UBE3A: variants seen among roughly 807,000 people sequenced by gnomAD.
UBE3A encodes the protein ubiquitin protein ligase E3A.
UBE3A carries 6 observed loss-of-function variants against 83.4 expected under a neutral mutation model. The ratio of observed to expected loss-of-function variants is 0.07; its 90% CI spans 0.04 to 0.14. The LOEUF (loss-of-function observed/expected upper bound fraction) is 0.14, where lower values mean the gene tolerates loss of function less well. UBE3A is among the 10% of genes least tolerant of loss of function. The pLI, the probability that UBE3A is intolerant of heterozygous loss-of-function variation, is 1.00. For missense variants in UBE3A, 456 were observed against 1,036.1 expected (o/e 0.44, Z 7.69); for synonymous variants, 337 against 355.4 (o/e 0.95, Z 0.58).
At chr15:25,377,313 T>C (rs2081379666) in intron 4 of UBE3A, among the ~76,000 whole-genome samples, 1 of 152,134 alleles carries the variant, frequency 6.6e-6, no homozygotes, top group African/African-American at 2.4e-5. Context: ...TGCTTATTTT[T>C]CAAATGTTCC....
At chr15:25,386,628 C>CA (rs1429410910) in intron 4 of UBE3A, among the ~76,000 whole-genome samples, 2 of 150,944 alleles carry the variant, frequency 1.3e-5, no homozygotes, top group African/African-American at 2.4e-5. Flanking sequence ...GAAAATATGC[C>CA]AAAAAACTAC....
intron 3 of UBE3A, chr15:25,408,775 T>A (rs1383876757): frequency 9.5e-7 from 1 of 1,052,582 alleles, no homozygotes; most frequent in Non-Finnish European, 1.3e-6. Flanking sequence ...AAAGGCATAC[T>A]TTAAAATGCA....
At chr15:25,388,385 T>C (rs1235877823) in intron 4 of UBE3A, among the ~76,000 whole-genome samples, 1 of 152,128 alleles carries the variant, frequency 6.6e-6, no homozygotes, top group Admixed American at 6.5e-5. Context: ...GACCATACCA[T>C]AGATGGAGAG....
chr15:25,356,363 C>T (rs576499731), intron 8 of UBE3A, among the ~76,000 whole-genome samples: 1 of 152,048 alleles, frequency 6.6e-6, no homozygotes, highest in African/African-American at 2.4e-5. Context: ...CAGGCACACT[C>T]GTTGTAACTA....
At chr15:25,415,708 A>G (rs1280322735) in intron 1 of UBE3A, 1 of 152,130 alleles carries the variant, frequency 6.6e-6, no homozygotes, top group African/African-American at 2.4e-5. Flanking sequence ...ATTATGTTAT[A>G]CCTTACATTA....
Position 25,356,042 on chromosome 15 carries a change from A to G in UBE3A, c.1974T>C (p.Ser658=). The G allele has an allele frequency of 6.2e-7, 1 of 1,613,788 alleles. No homozygotes were observed. The highest frequency in any genetic ancestry group is 8.5e-7 in the Non-Finnish European group (1 of 1,179,846). The part of the protein sequence containing the change: ...LGDSHPVLYQ[S]LKDLLEYEGN... ...CTTCATACTCCAATAAATCTTTTAA[A>G]CTCTGATATAGAACCTAGCAACCAG... Residue 658 remains serine (S), a synonymous_variant, in exon 9 of 13, where the codon AGT becomes AGC. Transcript: ENST00000648336.
intron 1 of UBE3A, among the ~76,000 whole-genome samples, chr15:25,436,119 T>C (rs1325179168): frequency 6.6e-6 from 1 of 152,204 alleles, no homozygotes; most frequent in East Asian, 1.9e-4. Flanking sequence ...CAAGATGTCT[T>C]GTTACTACAT....
Position 25,402,787 on chromosome 15 carries a change from T to C in UBE3A, c.62+2674A>G, listed in dbSNP as rs189053153. 3.5e-3 allele frequency among the ~76,000 whole-genome samples: 536 copies of C among 152,336 alleles called. 1 individual carries two copies. The highest frequency in any genetic ancestry group is 5.7e-3 in the Non-Finnish European group (387 of 68,024). On this transcript the variant is annotated intron_variant, in intron 4 of 12. Transcript: ENST00000648336. ...CCTTCTTACCCTTTTCAATGTGTCTTTTCTTATCTGTGTGCCACATTCAGG... is the reference window on the plus strand; with the variant it reads ...CCTTCTTACCCTTTTCAATGTGTCTCTTCTTATCTGTGTGCCACATTCAGG...
chr15:25,386,487 C>CT (rs2083162805), intron 4 of UBE3A, among the ~76,000 whole-genome samples: 2 of 151,974 alleles, frequency 1.3e-5, no homozygotes, highest in African/African-American at 4.8e-5. Context: ...GATGAAAATC[C>CT]TAAGAACCAA....
In UBE3A at chr15:25,370,789, G is replaced by A; in HGVS notation, c.1385C>T (p.Thr462Ile). Residue 462 changes from threonine (T) to isoleucine (I), a missense_variant, in exon 6 of 13, where the codon ACT (threonine) becomes ATT (isoleucine). By Grantham distance (89) the Thr-to-Ile change is moderately conservative. Transcript: ENST00000648336. This position sits in a 1 kb window ranked among gnomAD's most constrained non-coding sequence, Gnocchi z 4.2. ...GTTCTCTGTTTCTACTTTGAAAAAA[G>A]TATAATCTTTATCCATTTCTAGAAC... ...NEVLEMDKDY[T>I]FFKVETENKF... is the part of the protein sequence containing the mutation. 1 of 1,614,022 alleles carries A rather than the reference G, an allele frequency of 6.2e-7. No homozygotes were observed.
At chr15:25,356,922 C>T in intron 7 of UBE3A, 26 bp from the exon 8 acceptor site, 1 of 1,575,118 alleles carries the variant, frequency 6.3e-7, no homozygotes, top group Non-Finnish European at 8.7e-7. Context: ...TTTAAAAATA[C>T]ATTACTTTTG....
chr15:25,435,630 A>G (rs1245062698), intron 1 of UBE3A, among the ~76,000 whole-genome samples: 1 of 152,166 alleles, frequency 6.6e-6, no homozygotes, highest in African/African-American at 2.4e-5. Flanking sequence ...GAACAAGGGA[A>G]GAGGGCCCTC....
In UBE3A at chr15:25,370,048, T is replaced by A. The variant is rs779070832; in HGVS notation, c.1608+518A>T. 1.3e-5 allele frequency among the ~76,000 whole-genome samples: 2 copies of A among 152,158 alleles called. No individual in the cohort carries two copies. Among genetic ancestry groups the A allele is most frequent in the African/African-American group, 2.4e-5 (1 of 41,438 alleles). On this transcript the variant is annotated intron_variant, in intron 6 of 12. Coordinates refer to ENST00000648336, the MANE Select transcript of UBE3A (RefSeq NM_130839.5). This position sits in a 1 kb window ranked among gnomAD's most constrained non-coding sequence, Gnocchi z 4.2. ...GCCGTCCACACAGGGATATTCTAAG[T>A]GGCCCAGCAGGACTCAACTCTTACT...
chr15:25,353,981 C>A, intron 11 of UBE3A: 3 of 262,332 alleles, frequency 1.1e-5, no homozygotes, highest in Admixed American at 5.0e-5. Context: ...GTGCTTGATC[C>A]TGGGAAGCCA....
intron 11 of UBE3A, among the ~76,000 whole-genome samples, chr15:25,340,941 CTA>C (rs1029531879): frequency 1.8e-4 from 28 of 152,224 alleles, no homozygotes; most frequent in African/African-American, 6.5e-4. Flanking sequence ...GTAATAAAAG[CTA>C]TGTTTTAATG....
At chr15:25,431,678 G>A (rs982405415) in intron 1 of UBE3A, among the ~76,000 whole-genome samples, 18 of 151,970 alleles carry the variant, frequency 1.2e-4, no homozygotes, top group Non-Finnish European at 2.1e-4. Flanking sequence ...CACACAACAT[G>A]ACCACTGACT....
At chr15:25,405,634 T>A in intron 3 of UBE3A, 132 bp from the exon 4 acceptor site, 1 of 953,426 alleles carries the variant, frequency 1.0e-6, no homozygotes, top group African/African-American at 1.6e-5. Context: ...AAATTAAAGA[T>A]GTCAACATGA....
intron 4 of UBE3A, among the ~76,000 whole-genome samples, chr15:25,376,533 C>T (rs571838566): frequency 7.2e-4 from 110 of 152,084 alleles, no homozygotes; most frequent in African/African-American, 2.6e-3. Flanking sequence ...ACCTGTAGTC[C>T]CAGCTACTTG....
intron 1 of UBE3A, among the ~76,000 whole-genome samples, chr15:25,422,812 CAAA>C (rs71418043): frequency 6.1e-5 from 7 of 114,634 alleles, no homozygotes; most frequent in Non-Finnish European, 9.3e-5. Flanking sequence ...CGTTCTCTAC[CAAA>C]AAAAAAAAAA....
Sources: allele counts gnomAD v4.1 joint callset (sites outside exome capture counted in the v4.1 genomes callset), GRCh38; gene constraint gnomAD v4.1.1; non-coding constraint Gnocchi (gnomAD v3.1); transcripts MANE v1.5; gene names NCBI Gene and HGNC (gene_info 2026-07-23, HGNC 2026-07-21).